The following GPATCH3 variants were observed in gnomAD, a reference collection of about 807,000 sequenced individuals.
GPATCH3 encodes the protein G-patch domain containing 3.
In GPATCH3, 45 loss-of-function variants were observed where a neutral mutation model predicts 53.2. The observed-to-expected ratio is 0.85, with a 90% CI of 0.67 to 1.08. The LOEUF (loss-of-function observed/expected upper bound fraction) is 1.08. Ranked by LOEUF, GPATCH3 falls within the 50% of genes least tolerant of loss-of-function variation. The probability of loss-of-function intolerance (pLI) is 0.00; values close to 1 mark genes in which losing one functional copy is unlikely to be tolerated. For synonymous variants in GPATCH3, 280 were observed against 270.6 expected, an observed-to-expected ratio of 1.03 and a Z score of -0.34; for missense variants, 680 against 687.2, an observed-to-expected ratio of 0.99 and a Z score of 0.12.
chr1:26,896,314 ATTTT>A (rs921749071), intron 2 of GPATCH3, among the ~76,000 whole-genome samples: 15 of 144,710 alleles, frequency 1.0e-4, no homozygotes, highest in Non-Finnish European at 1.5e-4. Flanking sequence ...TTCATGTGGA[ATTTT>A]TTTTTTTTTT....
At chr1:26,894,125 T>C (rs2081940479) in intron 3 of GPATCH3, 111 bp downstream of exon 3, 1 of 1,045,862 alleles carries the variant, frequency 9.6e-7, no homozygotes, top group East Asian at 2.4e-5. Context: ...GTCAGCCTGT[T>C]CCCTAGCCTT....
intron 2 of GPATCH3, among the ~76,000 whole-genome samples, chr1:26,896,507 C>T (rs933118782): frequency 4.2e-5 from 6 of 144,476 alleles, no homozygotes; most frequent in African/African-American, 1.3e-4. Context: ...CTGGTTAACA[C>T]GGTGAAACCC....
chr1:26,898,128 G>A (rs1004998864), intron 1 of GPATCH3, among the ~76,000 whole-genome samples: 3 of 152,006 alleles, frequency 2.0e-5, no homozygotes, highest in Non-Finnish European at 4.4e-5. Flanking sequence ...AGAGTACCCT[G>A]TCTCAAAAAT....
At position 26,890,779 on chromosome 1, in the gene GPATCH3, G is replaced by A. The variant is rs773253406; in HGVS notation, c.*231C>T. 2 of 746,750 alleles carry A rather than the reference G, an allele frequency of 2.7e-6. No homozygotes were observed. The highest frequency in any genetic ancestry group is 2.6e-5 in the East Asian group (1 of 38,508). The allele number at this position is 746,750 out of a possible 1,614,324, so 46.3% of individuals were successfully genotyped here. ...GGCAAGCCCAGAGATTAGGGTTAGAGACCAAAGACAAGCGGTCGTTACCCC... is the reference window on the plus strand; with the variant it reads ...GGCAAGCCCAGAGATTAGGGTTAGAAACCAAAGACAAGCGGTCGTTACCCC... On this transcript the variant is annotated 3_prime_UTR_variant, in exon 7 of 7. Transcript: ENST00000361720.
chr1:26,893,105 G>A (rs2081935848), intron 4 of GPATCH3, among the ~76,000 whole-genome samples: 1 of 152,134 alleles, frequency 6.6e-6, no homozygotes. Flanking sequence ...CCTTACTAGA[G>A]CCTGAGCTTC....
intron 2 of GPATCH3, among the ~76,000 whole-genome samples, chr1:26,897,088 A>T (rs1480091978): frequency 6.6e-6 from 1 of 152,154 alleles, no homozygotes; most frequent in African/African-American, 2.4e-5. Flanking sequence ...AGACCCACTT[A>T]CGAATCTTCT....
Position 26,900,418 on chromosome 1 carries a change from C to A in GPATCH3, c.25G>T (p.Glu9Ter). The A allele has an allele frequency of 6.2e-7, 1 of 1,610,534 alleles. No homozygotes were observed. The highest frequency in any genetic ancestry group is 8.5e-7 in the Non-Finnish European group (1 of 1,177,504). ...ACTACCAGGTAAACTGTCGCCTCCT[C>A]CTCCGCCTCGCCGGGCACCGCCATC... The part of the protein sequence containing the change: MAVPGEAE[E>*]EATVYLVVSG... Residue 9 changes from glutamate to a stop codon, truncating the protein, a stop_gained, in exon 1 of 7, where the codon GAG becomes TAG. Coordinates refer to ENST00000361720, the MANE Select transcript of GPATCH3 (RefSeq NM_022078.3). LOFTEE classifies it high-confidence loss of function.
At chr1:26,895,043 C>T (rs896576227) in intron 2 of GPATCH3, among the ~76,000 whole-genome samples, 2 of 152,120 alleles carry the variant, frequency 1.3e-5, no homozygotes, top group Non-Finnish European at 2.9e-5. Context: ...ACCCGGGTGG[C>T]CACATCCAGG....
rs777063753 is a variant in GPATCH3, at chr1:26,894,286, G to C, written c.1001C>G (p.Ser334Cys). 2 of 1,614,110 alleles carry C rather than the reference G, an allele frequency of 1.2e-6. No homozygotes were observed. The highest frequency in any genetic ancestry group is 2.2e-5 in the South Asian group (2 of 91,082). Residue 334 changes from serine (S) to cysteine (C), a missense_variant, in exon 3 of 7, where the codon TCT becomes TGT. Ser to Cys is a moderately radical substitution (Grantham distance 112). Transcript: ENST00000361720. The part of the protein sequence containing the change: ...EIELKWEKGG[S>C]GLVFYTDAQF... ...GGCATCAGTATAAAACACCAGGCCA[G>C]AGCCACCCTTCTCCCACTTGAGCTC...
In GPATCH3 at chr1:26,897,364, G is replaced by A. The variant is rs1223041947; in HGVS notation, c.813C>T (p.Ser271=). Residue 271 remains serine, a synonymous_variant, in exon 2 of 7, where the codon AGC becomes AGT. Transcript: ENST00000361720. Reference sequence around the variant, plus strand: ...CTTCTTCCTCAGGCTCTCCACAGGGGCTGGCTGGTATATCTGCCAGGTAGG... The same window carrying A: ...CTTCTTCCTCAGGCTCTCCACAGGGACTGGCTGGTATATCTGCCAGGTAGG... The part of the protein sequence containing the change: ...QGTYLADIPA[S]PCGEPEEEVG... The A allele has an allele frequency of 6.2e-6, 10 of 1,614,146 alleles. No homozygotes were observed. Among genetic ancestry groups the A allele is most frequent in the East Asian group, 2.2e-5 (1 of 44,886 alleles).
At chr1:26,892,363 AT>A in intron 6 of GPATCH3, 47 bp downstream of exon 6, 1 of 1,590,102 alleles carries the variant, frequency 6.3e-7, no homozygotes, top group Non-Finnish European at 8.6e-7. Context: ...AAACCAGGGC[AT>A]AGCTGAAAGG....
chr1:26,894,306 G>C lies in GPATCH3; in HGVS notation c.981C>G (p.Leu327=), dbSNP rs527302467. Residue 327 remains leucine (L), a synonymous_variant, in exon 3 of 7, where the codon CTC becomes CTG. Transcript: ENST00000361720. ...GGCCAGAGCCACCCTTCTCCCACTT[G>C]AGCTCAATCTCCTCCTCAAAGAGCT... ...TEQLFEEEIE[L]KWEKGGSGLV... is the part of the protein sequence containing the mutation. 4 of 1,614,072 alleles carry C rather than the reference G, an allele frequency of 2.5e-6. No individual in the cohort carries two copies. In the Admixed American group the frequency reaches 6.7e-5, roughly 27 times the overall value.
Position 26,897,488 on chromosome 1 carries a change from C to T in GPATCH3, c.689G>A (p.Arg230Gln), listed in dbSNP as rs1458367752. ...CTCAAAAGGCACATTGCCGTAGCGC[C>T]GGGAGGAACCTGTCTTGGGGAACTG... is the stretch of plus-strand genomic sequence containing the variant. ...QLQFPKTGSS[R>Q]RYGNVPFEYE... The change falls in exon 2 of 7, where the codon CGG becomes CAG. Residue 230 changes from arginine (R) to glutamine (Q), a missense_variant. Physicochemically the swap from Arg to Gln is conservative, Grantham distance 43. Coordinates refer to ENST00000361720, the MANE Select transcript of GPATCH3 (RefSeq NM_022078.3). 1.7e-5 allele frequency: 28 copies of T among 1,614,064 alleles called. No individual in the cohort carries two copies. The highest frequency in any genetic ancestry group is 4.0e-5 in the African/African-American group (3 of 74,912).
intron 3 of GPATCH3, among the ~76,000 whole-genome samples, 165 bp downstream of exon 3, chr1:26,894,071 C>T (rs576941557): frequency 2.0e-5 from 3 of 152,082 alleles, no homozygotes; most frequent in Non-Finnish European, 4.4e-5. Context: ...TCTCACTGAT[C>T]CCCACTCTTA....
At chr1:26,898,902 A>C (rs1178566018) in intron 1 of GPATCH3, among the ~76,000 whole-genome samples, 1 of 152,012 alleles carries the variant, frequency 6.6e-6, no homozygotes, top group Non-Finnish European at 1.5e-5. Context: ...TGAGCTCAAG[A>C]GATCCACCCA....
At chr1:26,898,462 C>A (rs953767901) in intron 1 of GPATCH3, among the ~76,000 whole-genome samples, 19 of 152,054 alleles carry the variant, frequency 1.2e-4, no homozygotes, top group African/African-American at 3.9e-4. Context: ...GGATTACAGG[C>A]ATGTGCCACC....
In GPATCH3 at chr1:26,891,238, C is replaced by T; in HGVS notation, c.1362-12G>A. On this transcript the variant is annotated splice_polypyrimidine_tract_variant and intron_variant, in intron 6 of 6. Coordinates refer to ENST00000361720, the MANE Select transcript of GPATCH3 (RefSeq NM_022078.3). ...TCTCTCCATGGTACCTGGATAAAAACGGGCTCTCAGTGAGAAGGCTGCTCT... is the reference window on the plus strand; with the variant it reads ...TCTCTCCATGGTACCTGGATAAAAATGGGCTCTCAGTGAGAAGGCTGCTCT... 6 of 1,605,564 alleles carry T rather than the reference C, an allele frequency of 3.7e-6. No individual in the cohort carries two copies. Among genetic ancestry groups the T allele is most frequent in the South Asian group, 1.1e-5 (1 of 90,730 alleles).
At chr1:26,891,517 T>C (rs546459144) in intron 6 of GPATCH3, among the ~76,000 whole-genome samples, 2 of 137,194 alleles carry the variant, frequency 1.5e-5, no homozygotes, top group African/African-American at 2.7e-5. Flanking sequence ...GCTTACTCTT[T>C]AAAAAAAAAA....
intron 3 of GPATCH3, among the ~76,000 whole-genome samples, chr1:26,893,788 G>A (rs1397791905): frequency 6.6e-6 from 1 of 152,018 alleles, no homozygotes; most frequent in Non-Finnish European, 1.5e-5. Flanking sequence ...CAAAGTGCTG[G>A]GATTACAGGC....
Sources: gnomAD v4.1 joint callset for allele counts (sites outside exome capture counted in the v4.1 genomes callset) on GRCh38, gnomAD v4.1.1 for gene constraint, MANE v1.5 for transcripts, NCBI Gene and HGNC (gene_info 2026-07-23, HGNC 2026-07-21) for gene names.